DDX25: variants seen among roughly 807,000 people sequenced by gnomAD.
The protein encoded by DDX25 is DEAD-box helicase 25.
DDX25 carries 70 observed loss-of-function variants against 64.6 expected under a neutral mutation model. That is an observed-to-expected ratio of 1.08 (90% confidence interval 0.89 to 1.32). DDX25 has a LOEUF of 1.32. Among genes scored for constraint, DDX25 ranks in the 40% most tolerant of loss-of-function variants. The pLI, the probability that DDX25 is intolerant of heterozygous loss-of-function variation, is 0.00. For missense variants in DDX25, 587 were observed against 604.4 expected (o/e 0.97, Z 0.30); for synonymous variants, 211 against 213.3 (o/e 0.99, Z 0.09).
Position 125,923,142 on chromosome 11 carries a change from A to G in DDX25, c.*261A>G. The G allele has an allele frequency of 2.4e-6, 1 of 415,502 alleles. No individual in the cohort carries two copies. Among genetic ancestry groups the G allele is most frequent in the Non-Finnish European group, 4.3e-6 (1 of 230,662 alleles). The allele number at this position is 415,502 out of a possible 1,614,324, so 25.7% of individuals were successfully genotyped here. ...TACAGGTAATGTCTCAATGTGGGCT[A>G]TGGGGGTGTTTTTGGATTTGGTTGA... On this transcript the variant is annotated 3_prime_UTR_variant, in exon 12 of 12. Coordinates refer to ENST00000263576, the MANE Select transcript of DDX25 (RefSeq NM_013264.5).
intron 9 of DDX25, among the ~76,000 whole-genome samples, chr11:125,917,677 A>G (rs1261245043): frequency 6.6e-6 from 1 of 152,136 alleles, no homozygotes; most frequent in African/African-American, 2.4e-5. Flanking sequence ...AAGCTTCACG[A>G]CAGCAGGGTC....
At position 125,921,621 on chromosome 11, in the gene DDX25, C is replaced by T. The variant is rs547470; in HGVS notation, c.1390+242C>T. ...TAATATGAGCTCAGGCCGGGTGTGGCAGCTCACACCTGTAATCCCAGCACT... is the reference window on the plus strand; with the variant it reads ...TAATATGAGCTCAGGCCGGGTGTGGTAGCTCACACCTGTAATCCCAGCACT... On this transcript the variant is annotated intron_variant, in intron 11 of 11. Transcript: ENST00000263576. The surrounding 1 kb of genome is among the most constrained non-coding windows in gnomAD (Gnocchi z 4.1). 0.68 allele frequency: 293,306 copies of T among 428,950 alleles called. 100,683 individuals are homozygous for T. Among genetic ancestry groups the T allele is most frequent in the Admixed American group, 0.74 (20,346 of 27,312 alleles). The allele number at this position is 428,950 out of a possible 1,614,324, so 26.6% of individuals were successfully genotyped here. A position where few individuals can be genotyped will look rare whatever the true frequency, so the allele number is the denominator to read the frequency against.
In DDX25 at chr11:125,910,361, C is replaced by G; in HGVS notation, c.508-3C>G. The G allele has an allele frequency of 1.2e-6, 2 of 1,613,418 alleles. No homozygotes were observed. The highest frequency in any genetic ancestry group is 1.7e-6 in the Non-Finnish European group (2 of 1,179,388). Reference sequence around the variant, plus strand: ...CCTCCCCTCTTCTCTCTCTATCCCACAGTGCCTCTGCCTAGCTCCTACTTA... The same window carrying G: ...CCTCCCCTCTTCTCTCTCTATCCCAGAGTGCCTCTGCCTAGCTCCTACTTA... On this transcript the variant is annotated splice_polypyrimidine_tract_variant and splice_region_variant and intron_variant, in intron 6 of 11. Coordinates refer to ENST00000263576, the MANE Select transcript of DDX25 (RefSeq NM_013264.5).
At position 125,923,739 on chromosome 11, in the gene DDX25, G is replaced by A. The variant is rs1945142157; in HGVS notation, c.*858G>A. 6.6e-6 allele frequency: 1 copy of A among 152,180 alleles called. No individual in the cohort carries two copies. Among genetic ancestry groups the A allele is most frequent in the South Asian group, 2.1e-4 (1 of 4,820 alleles). 9.4% of individuals were successfully genotyped at this position (152,180 alleles called of 1,614,324 possible). The stretch of plus-strand genomic sequence containing the variant: ...TTCATATTTCCTACTCAAAAGTAAA[G>A]TGTAGTGAGCTTGAGAAGATGGGGT... On this transcript the variant is annotated 3_prime_UTR_variant, in exon 12 of 12. Transcript: ENST00000263576.
chr11:125,919,892 G>A (rs1945089862), intron 10 of DDX25, among the ~76,000 whole-genome samples: 1 of 152,246 alleles, frequency 6.6e-6, no homozygotes, highest in Non-Finnish European at 1.5e-5. Context: ...CACTTGAAAT[G>A]TGGCTAGTGT....
chr11:125,918,487 C>G, intron 9 of DDX25, 141 bp from the exon 10 acceptor site: 1 of 1,131,044 alleles, frequency 8.8e-7, no homozygotes, highest in South Asian at 1.8e-5. Flanking sequence ...TTTTAAGGCC[C>G]TGGAGGACTG....
chr11:125,916,937 G>A (rs1023680931), intron 8 of DDX25, 77 bp from the exon 9 acceptor site: 2 of 1,391,340 alleles, frequency 1.4e-6, no homozygotes, highest in African/African-American at 1.4e-5. Flanking sequence ...TGCAGCGGCT[G>A]ATGGCAGTGG....
chr11:125,925,032 T>C lies in DDX25; in HGVS notation c.*2151T>C, dbSNP rs1325595566. The C allele has an allele frequency of 1.2e-5, 2 of 163,852 alleles. No individual in the cohort carries two copies. The highest frequency in any genetic ancestry group is 4.8e-5 in the African/African-American group (2 of 41,682). The allele number at this position is 163,852 out of a possible 1,614,324, so 10.1% of individuals were successfully genotyped here. On this transcript the variant is annotated 3_prime_UTR_variant, in exon 12 of 12. Transcript: ENST00000263576. Reference sequence around the variant, plus strand: ...CTTTTGCCACTTCCTCATTCACTAATAATTTTTTTTTAGGTTTTCCATCCT... The same window carrying C: ...CTTTTGCCACTTCCTCATTCACTAACAATTTTTTTTTAGGTTTTCCATCCT...
intron 4 of DDX25, among the ~76,000 whole-genome samples, 180 bp downstream of exon 4, chr11:125,906,389 G>A (rs1018830314): frequency 7.9e-5 from 12 of 151,460 alleles, no homozygotes; most frequent in Admixed American, 4.6e-4. Flanking sequence ...ATACGATCTC[G>A]GCTCACTGCT....
chr11:125,918,841 C>T lies in DDX25; in HGVS notation c.1201+51C>T. ...GTTCTAATTTGCATATGATAAAATG[C>T]ATTCCTTTTAAGTGTACAGTTTCGC... is the stretch of plus-strand genomic sequence containing the variant. On this transcript the variant is annotated intron_variant, in intron 10 of 11. Transcript: ENST00000263576. 6 of 1,516,082 alleles carry T rather than the reference C, an allele frequency of 4.0e-6. No individual in the cohort carries two copies. The South Asian group carries it at 5.0e-5, about 13-fold the overall frequency. 93.9% of individuals were successfully genotyped at this position (1,516,082 alleles called of 1,614,324 possible). A position where few individuals can be genotyped will look rare whatever the true frequency, so the allele number is the denominator to read the frequency against.
intron 4 of DDX25, among the ~76,000 whole-genome samples, chr11:125,907,325 T>C (rs574395376): frequency 6.6e-6 from 1 of 152,168 alleles, no homozygotes; most frequent in Non-Finnish European, 1.5e-5. Context: ...AGTTGAAGTG[T>C]TGGCCGGGCG....
In DDX25 at chr11:125,922,887, G is replaced by A. The variant is rs541434713; in HGVS notation, c.*6G>A. The A allele has an allele frequency of 6.2e-7, 1 of 1,602,154 alleles. No individual in the cohort carries two copies. Among genetic ancestry groups the A allele is most frequent in the East Asian group, 2.2e-5 (1 of 44,726 alleles). Reference sequence around the variant, plus strand: ...TTGAAAAGATTGACTATTGAAGAAAGAACTTTATTGTTTGTGCAGTATCCT... The same window carrying A: ...TTGAAAAGATTGACTATTGAAGAAAAAACTTTATTGTTTGTGCAGTATCCT... On this transcript the variant is annotated 3_prime_UTR_variant, in exon 12 of 12. Coordinates refer to ENST00000263576, the MANE Select transcript of DDX25 (RefSeq NM_013264.5).
At chr11:125,904,954 C>T (rs978501496) in intron 1 of DDX25, among the ~76,000 whole-genome samples, 1 of 152,138 alleles carries the variant, frequency 6.6e-6, no homozygotes, top group African/African-American at 2.4e-5. Flanking sequence ...TGCCGTGAGC[C>T]CCAAGTACTG....
At chr11:125,917,307 G>A in intron 9 of DDX25, 56 bp downstream of exon 9, 5 of 1,508,358 alleles carry the variant, frequency 3.3e-6, no homozygotes, top group East Asian at 4.9e-5. Context: ...GGCCGAGGTG[G>A]GGGACGACAA....
intron 8 of DDX25, among the ~76,000 whole-genome samples, chr11:125,914,877 G>A (rs1218695651): frequency 6.6e-6 from 1 of 152,142 alleles, no homozygotes; most frequent in Non-Finnish European, 1.5e-5. Flanking sequence ...GCTGTAGCTG[G>A]GATCACAGGC....
At chr11:125,916,534 C>T (rs538454038) in intron 8 of DDX25, among the ~76,000 whole-genome samples, 1 of 152,142 alleles carries the variant, frequency 6.6e-6, no homozygotes, top group Non-Finnish European at 1.5e-5. Flanking sequence ...ACTGTACTTT[C>T]CCCTGTTGCT....
intron 4 of DDX25, among the ~76,000 whole-genome samples, chr11:125,907,883 C>T (rs937817820): frequency 6.6e-6 from 1 of 152,202 alleles, no homozygotes; most frequent in Non-Finnish European, 1.5e-5. Flanking sequence ...ATATAACTCT[C>T]TTGGCAAGCA....
rs73626623 is a variant in DDX25 at position 125,905,411 on chromosome 11, A to G, written c.130+133A>G. The G allele has an allele frequency of 8.3e-4, 1,110 of 1,338,376 alleles. 12 individuals carry two copies. The African/African-American group carries it at 0.013, about 16-fold the overall frequency. 82.9% of individuals were successfully genotyped at this position (1,338,376 alleles called of 1,614,324 possible). Reference sequence around the variant, plus strand: ...TTCAGCACTCTCCATTACCTTCCCAATCGTTTCGTCCATTCCTCCATGAAA... The same window carrying G: ...TTCAGCACTCTCCATTACCTTCCCAGTCGTTTCGTCCATTCCTCCATGAAA... On this transcript the variant is annotated intron_variant, in intron 2 of 11. Coordinates refer to ENST00000263576, the MANE Select transcript of DDX25 (RefSeq NM_013264.5).
Position 125,925,451 on chromosome 11 carries a change from G to T in DDX25, c.*2570G>T, listed in dbSNP as rs916195770. 8 of 456,052 alleles carry T rather than the reference G, an allele frequency of 1.8e-5. No individual in the cohort carries two copies. Among genetic ancestry groups the T allele is most frequent in the Non-Finnish European group, 3.5e-5 (8 of 226,934 alleles). 28.3% of individuals were successfully genotyped at this position (456,052 alleles called of 1,614,324 possible). A position where few individuals can be genotyped will look rare whatever the true frequency, so the allele number is the denominator to read the frequency against. ...GTCAACAATCCAAAGGCTGTTTTTT[G>T]CAGGGTGCAGCTCCTGTCAGAGCTG... On this transcript the variant is annotated 3_prime_UTR_variant, in exon 12 of 12. Coordinates refer to ENST00000263576, the MANE Select transcript of DDX25 (RefSeq NM_013264.5).
Sources: allele counts gnomAD v4.1 joint callset (sites outside exome capture counted in the v4.1 genomes callset), GRCh38; gene constraint gnomAD v4.1.1; non-coding constraint Gnocchi (gnomAD v3.1); transcripts MANE v1.5; gene names NCBI Gene and HGNC (gene_info 2026-07-23, HGNC 2026-07-21).